Variants in GRIK2 observed in about 807,000 individuals in gnomAD.
GRIK2 encodes the protein glutamate ionotropic receptor kainate type subunit 2, also known as glutamate receptor ionotropic, kainate 2.
GRIK2 carries 32 observed loss-of-function variants against 100.3 expected under a neutral mutation model. The observed-to-expected ratio is 0.32, with a 90% confidence interval of 0.24 to 0.43. GRIK2 has a LOEUF of 0.43. Among genes scored for constraint, GRIK2 ranks in the 20% least tolerant of loss-of-function variants. GRIK2 has a pLI of 1.00. For missense variants in GRIK2, 843 were observed against 1,114.9 expected (o/e 0.76, Z 3.47); for synonymous variants, 417 against 389.4 (o/e 1.07, Z -0.83).
At chr6:101,559,491 T>C (rs1776900885) in intron 2 of GRIK2, among the ~76,000 whole-genome samples, 1 of 152,104 alleles carries the variant, frequency 6.6e-6, no homozygotes, top group African/African-American at 2.4e-5. Flanking sequence ...AGGTTGACCA[T>C]AGGTATTTAA....
At chr6:101,586,271 A>T (rs1420791713) in intron 2 of GRIK2, among the ~76,000 whole-genome samples, 1 of 151,824 alleles carries the variant, frequency 6.6e-6, no homozygotes, top group East Asian at 1.9e-4. Flanking sequence ...GAAAAGTTTG[A>T]CTCTACCCAA....
chr6:101,612,103 C>G (rs1423152014), intron 2 of GRIK2, among the ~76,000 whole-genome samples: 1 of 151,790 alleles, frequency 6.6e-6, no homozygotes, highest in Non-Finnish European at 1.5e-5. Flanking sequence ...TGAGGTCCCT[C>G]GTGTCTTAAT....
intron 4 of GRIK2, among the ~76,000 whole-genome samples, chr6:101,672,155 C>G (rs754278182): frequency 6.8e-4 from 103 of 152,222 alleles, no homozygotes; most frequent in Admixed American, 1.5e-3. Context: ...TACCTCCCTC[C>G]CACTGATGAC....
chr6:101,607,952 C>T (rs1779507150), intron 2 of GRIK2, among the ~76,000 whole-genome samples: 2 of 151,668 alleles, frequency 1.3e-5, no homozygotes, highest in Non-Finnish European at 2.9e-5. Context: ...ACCAAGATTA[C>T]CTTTCTCACG....
intron 2 of GRIK2, among the ~76,000 whole-genome samples, chr6:101,439,657 T>A (rs1264710077): frequency 6.6e-6 from 1 of 152,120 alleles, no homozygotes; most frequent in Non-Finnish European, 1.5e-5. Context: ...TCATTATACA[T>A]GTAAATATGT....
intron 5 of GRIK2, among the ~76,000 whole-genome samples, chr6:101,680,477 C>G (rs932289451): frequency 6.6e-6 from 1 of 152,094 alleles, no homozygotes; most frequent in Non-Finnish European, 1.5e-5. Flanking sequence ...TTTATTCATT[C>G]TTTTCATGTC....
chr6:101,662,859 T>G (rs1769731017), intron 4 of GRIK2, among the ~76,000 whole-genome samples: 1 of 152,156 alleles, frequency 6.6e-6, no homozygotes, highest in South Asian at 2.1e-4. Context: ...TATTTTTTAA[T>G]TTCACTTCTG....
At chr6:101,845,906 G>A (rs1783780148) in intron 10 of GRIK2, among the ~76,000 whole-genome samples, 1 of 152,054 alleles carries the variant, frequency 6.6e-6, no homozygotes, top group Admixed American at 6.6e-5. Context: ...TTTCCCTAAT[G>A]ACTAATGATG....
intron 12 of GRIK2, among the ~76,000 whole-genome samples, chr6:101,920,613 T>A (rs1481244082): frequency 1.3e-5 from 2 of 151,914 alleles, no homozygotes; most frequent in African/African-American, 4.8e-5. Flanking sequence ...TACTGAATGG[T>A]AGTACTGGGT....
At chr6:101,760,364 TTA>T (rs1473903151) in intron 7 of GRIK2, among the ~76,000 whole-genome samples, 1 of 83,328 alleles carries the variant, frequency 1.2e-5, no homozygotes, top group Non-Finnish European at 1.9e-5. Context: ...TTATATTTAA[TTA>T]TATATTTATT....
chr6:101,524,257 A>G (rs1359817967), intron 2 of GRIK2, among the ~76,000 whole-genome samples: 1 of 152,184 alleles, frequency 6.6e-6, no homozygotes, highest in Non-Finnish European at 1.5e-5. Context: ...AATATGAATC[A>G]GAAGTGTTGC....
chr6:101,973,027 G>T (rs949815297), intron 14 of GRIK2, among the ~76,000 whole-genome samples: 11 of 151,730 alleles, frequency 7.2e-5, no homozygotes, highest in Non-Finnish European at 1.3e-4. Flanking sequence ...TTGGCTCTCT[G>T]GGCTCCAAAA....
chr6:101,923,762 A>C (rs1385490910), intron 12 of GRIK2, among the ~76,000 whole-genome samples: 1 of 151,962 alleles, frequency 6.6e-6, no homozygotes, highest in East Asian at 1.9e-4. Flanking sequence ...CTCTATTAAA[A>C]TGCAAAAAAT....
At chr6:101,592,702 A>G (rs894613772) in intron 2 of GRIK2, among the ~76,000 whole-genome samples, 2 of 149,774 alleles carry the variant, frequency 1.3e-5, no homozygotes, top group Middle Eastern at 3.4e-3. Context: ...TTGTTCAGCA[A>G]TAAATTTCTA....
intron 10 of GRIK2, among the ~76,000 whole-genome samples, chr6:101,834,883 TG>T (rs942660807): frequency 3.9e-5 from 6 of 152,100 alleles, no homozygotes; most frequent in African/African-American, 1.4e-4. Flanking sequence ...CATGCACCTG[TG>T]GTCCCAGCTA....
At chr6:101,653,821 A>G (rs1330567943) in intron 4 of GRIK2, among the ~76,000 whole-genome samples, 3 of 151,858 alleles carry the variant, frequency 2.0e-5, no homozygotes, top group East Asian at 1.9e-4. Context: ...GGGTTTCACT[A>G]TGTCGGCCAG....
At chr6:101,727,494 C>T (rs539644372) in intron 7 of GRIK2, among the ~76,000 whole-genome samples, 1 of 152,242 alleles carries the variant, frequency 6.6e-6, no homozygotes, top group Non-Finnish European at 1.5e-5. Context: ...TCCTGTGCTG[C>T]TGGTCAACTT....
rs140216676 is a variant in GRIK2, at chr6:102,037,685, T to G, written c.2311+2119T>G. On this transcript the variant is annotated intron_variant, in intron 15 of 16. Coordinates refer to ENST00000369134, the MANE Select transcript of GRIK2 (RefSeq NM_021956.5). ...TTCACAATTATATTGCTGAGAAACA[T>G]TTTTTTACTTCTCAAAATGTGTTAA... is the stretch of plus-strand genomic sequence containing the variant. Among the ~76,000 whole-genome samples, 722 of 151,436 alleles carry G rather than the reference T, an allele frequency of 4.8e-3. 2 individuals carry two copies. Among genetic ancestry groups the G allele is most frequent in the Non-Finnish European group, 7.5e-3 (508 of 67,562 alleles).
intron 7 of GRIK2, among the ~76,000 whole-genome samples, chr6:101,740,095 T>G (rs1350688251): frequency 6.6e-6 from 1 of 152,206 alleles, no homozygotes; most frequent in Non-Finnish European, 1.5e-5. Context: ...AGAATTCATG[T>G]TTGACTCAAA....
Sources: gnomAD v4.1 joint callset for allele counts (sites outside exome capture counted in the v4.1 genomes callset) on GRCh38, gnomAD v4.1.1 for gene constraint, MANE v1.5 for transcripts, NCBI Gene and HGNC (gene_info 2026-07-23, HGNC 2026-07-21) for gene names.